SHISA9: variants seen among roughly 807,000 people sequenced by gnomAD.
SHISA9 encodes shisa family member 9, also known as protein shisa-9.
In SHISA9, 13 loss-of-function variants were observed where a neutral mutation model predicts 38.0. The ratio of observed to expected loss-of-function variants is 0.34; its 90% CI spans 0.22 to 0.54. The LOEUF (loss-of-function observed/expected upper bound fraction) is 0.54. SHISA9 is among the 20% of genes least tolerant of loss of function. The pLI is 0.91. For missense variants in SHISA9, 538 were observed against 575.8 expected (o/e 0.93, Z 0.67); for synonymous variants, 275 against 242.0 (o/e 1.14, Z -1.27).
chr16:13,267,789 A>G, the SHISA9 span, among the ~76,000 whole-genome samples: 1 of 151,920 alleles, frequency 6.6e-6, no homozygotes, highest in Non-Finnish European at 1.5e-5. Context: ...GTAAAATTGA[A>G]CTAATAGGAT....
intron 2 of SHISA9, among the ~76,000 whole-genome samples, chr16:13,159,594 A>T (rs2050578128): frequency 6.6e-6 from 1 of 152,192 alleles, no homozygotes; most frequent in South Asian, 2.1e-4. Flanking sequence ...TGGTTCATTA[A>T]TCAGAGCATC....
At chr16:13,559,031 T>A in the SHISA9 span, among the ~76,000 whole-genome samples, 4 of 152,224 alleles carry the variant, frequency 2.6e-5, no homozygotes, top group Non-Finnish European at 5.9e-5. Flanking sequence ...ATAATTATTA[T>A]TTGCCTTCCC....
the SHISA9 span, among the ~76,000 whole-genome samples, chr16:13,528,717 C>A: frequency 6.6e-6 from 1 of 152,170 alleles, no homozygotes; most frequent in African/African-American, 2.4e-5. Context: ...AATCTCCCCA[C>A]GGTAACATAG....
the SHISA9 span, among the ~76,000 whole-genome samples, chr16:13,428,773 G>GTTTTTTTTTTTT: frequency 6.9e-6 from 1 of 145,328 alleles, no homozygotes; most frequent in African/African-American, 2.6e-5. Context: ...TTGTTTTATT[G>GTTTTTTTTTTTT]TTTTTTTTTT....
At chr16:12,932,157 A>T (rs2071470040) in intron 2 of SHISA9, among the ~76,000 whole-genome samples, 1 of 152,150 alleles carries the variant, frequency 6.6e-6, no homozygotes, top group African/African-American at 2.4e-5. Flanking sequence ...CTGTGAGTCC[A>T]TTAAGCCTTT....
the SHISA9 span, among the ~76,000 whole-genome samples, chr16:13,380,022 G>C: frequency 6.6e-6 from 1 of 151,978 alleles, no homozygotes; most frequent in African/African-American, 2.4e-5. Context: ...AATTAAATAA[G>C]CATAAGAGTT....
intron 2 of SHISA9, among the ~76,000 whole-genome samples, chr16:12,935,586 GC>G (rs2071519503): frequency 6.6e-6 from 1 of 152,150 alleles, no homozygotes; most frequent in Admixed American, 6.5e-5. Flanking sequence ...AGGGGCTCAC[GC>G]TGGTAATCCC....
At chr16:13,557,012 G>A in the SHISA9 span, among the ~76,000 whole-genome samples, 1 of 152,126 alleles carries the variant, frequency 6.6e-6, no homozygotes, top group Non-Finnish European at 1.5e-5. Context: ...AGTACTGAGG[G>A]GTGACTGTAA....
At chr16:13,025,381 T>C (rs985627246) in intron 2 of SHISA9, among the ~76,000 whole-genome samples, 2 of 152,196 alleles carry the variant, frequency 1.3e-5, no homozygotes, top group African/African-American at 4.8e-5. Context: ...TTCACAAAGC[T>C]TTCATGTGAT....
chr16:13,544,073 A>G, the SHISA9 span, among the ~76,000 whole-genome samples: 10 of 152,148 alleles, frequency 6.6e-5, no homozygotes, highest in African/African-American at 2.4e-4. Flanking sequence ...AGGGTATGAC[A>G]TTTAGAGGGA....
rs75974274 is a variant in SHISA9, at chr16:13,154,488, G to A, written c.692-48906G>A. Reference sequence around the variant, plus strand: ...CTTTTCCCCTCCATCATGGTGATGGGTAATGATCCAGATAGAAGTTGCTCT... The same window carrying A: ...CTTTTCCCCTCCATCATGGTGATGGATAATGATCCAGATAGAAGTTGCTCT... On this transcript the variant is annotated intron_variant, in intron 2 of 4. Coordinates refer to ENST00000558583, the MANE Select transcript of SHISA9 (RefSeq NM_001145204.3). Among the ~76,000 whole-genome samples, 911 of 152,298 alleles carry A rather than the reference G, an allele frequency of 6.0e-3. 8 individuals carry two copies. The highest frequency in any genetic ancestry group is 0.021 in the African/African-American group (858 of 41,546).
chr16:13,550,372 CCTT>C, the SHISA9 span, among the ~76,000 whole-genome samples: 6 of 152,200 alleles, frequency 3.9e-5, no homozygotes, highest in Admixed American at 3.3e-4. Context: ...CCACCTCAAA[CCTT>C]CTATAATTTG....
At chr16:13,137,976 A>G (rs557399886) in intron 2 of SHISA9, among the ~76,000 whole-genome samples, 3 of 152,294 alleles carry the variant, frequency 2.0e-5, no homozygotes, top group East Asian at 1.9e-4. Flanking sequence ...CAGATGTTAC[A>G]TGAATGATAG....
At chr16:13,561,689 C>G in the SHISA9 span, among the ~76,000 whole-genome samples, 3 of 152,198 alleles carry the variant, frequency 2.0e-5, no homozygotes, top group South Asian at 6.2e-4. Flanking sequence ...CGGTGCCATG[C>G]AGGTCAAGGT....
chr16:13,361,828 ATTAT>A, the SHISA9 span, among the ~76,000 whole-genome samples: 49 of 152,244 alleles, frequency 3.2e-4, no homozygotes, highest in African/African-American at 1.1e-3. Flanking sequence ...GCTTAAAGAA[ATTAT>A]TTATTGGATG....
chr16:13,491,274 C>T, the SHISA9 span, among the ~76,000 whole-genome samples: 27 of 151,818 alleles, frequency 1.8e-4, no homozygotes, highest in South Asian at 6.2e-4. Context: ...ATGATGGTAA[C>T]GAGGATGACG....
intron 2 of SHISA9, among the ~76,000 whole-genome samples, chr16:12,927,197 C>G (rs1041739058): frequency 2.0e-5 from 3 of 151,660 alleles, no homozygotes; most frequent in Non-Finnish European, 4.4e-5. Flanking sequence ...AAGAAAAATC[C>G]CAATAAGCAT....
intron 2 of SHISA9, among the ~76,000 whole-genome samples, chr16:13,143,721 C>G (rs1310039251): frequency 6.6e-6 from 1 of 152,198 alleles, no homozygotes; most frequent in Non-Finnish European, 1.5e-5. Flanking sequence ...TGGGCCAAAC[C>G]ACATAGGAAG....
chr16:13,502,499 G>A, the SHISA9 span, among the ~76,000 whole-genome samples: 7 of 152,070 alleles, frequency 4.6e-5, no homozygotes, highest in African/African-American at 9.7e-5. Flanking sequence ...CCTACCATGC[G>A]TCTGGGCACA....
Sources: gnomAD v4.1 joint callset for allele counts (sites outside exome capture counted in the v4.1 genomes callset) on GRCh38, gnomAD v4.1.1 for gene constraint, MANE v1.5 for transcripts, NCBI Gene and HGNC (gene_info 2026-07-23, HGNC 2026-07-21) for gene names.